Variants in EEF1AKMT2 observed in about 807,000 individuals in gnomAD.
EEF1AKMT2 encodes the protein eukaryotic translation elongation factor 1 alpha lysine methyltransferase 2.
Under a neutral mutation model 35.8 loss-of-function variants are expected in EEF1AKMT2, and 32 were observed. The observed-to-expected ratio is 0.89, with a 90% CI of 0.67 to 1.20. The LOEUF (loss-of-function observed/expected upper bound fraction) is 1.20. Among genes scored for constraint, EEF1AKMT2 ranks in the 50% most tolerant of loss-of-function variants. EEF1AKMT2 has a pLI of 0.00. For synonymous variants in EEF1AKMT2, 121 were observed against 133.7 expected (o/e 0.91, Z 0.65); for missense variants, 330 against 347.5 (o/e 0.95, Z 0.40).
chr10:124,770,548 G>A (rs1950422955), intron 4 of EEF1AKMT2, among the ~76,000 whole-genome samples: 1 of 152,180 alleles, frequency 6.6e-6, no homozygotes, highest in Admixed American at 6.5e-5. Context: ...CAAGGTATTG[G>A]TTGCTGAAGG....
chr10:124,789,613 G>C (rs1950616910), intron 2 of EEF1AKMT2, among the ~76,000 whole-genome samples: 1 of 151,754 alleles, frequency 6.6e-6, no homozygotes, highest in Admixed American at 6.6e-5. Context: ...AAATTTGCTG[G>C]GCATGATGGC....
Position 124,791,791 on chromosome 10 carries a change from C to T in EEF1AKMT2, c.43G>A (p.Ala15Thr). The T allele has an allele frequency of 6.3e-7, 1 of 1,591,974 alleles. No homozygotes were observed. The change falls in exon 1 of 7, where the codon GCG (alanine) becomes ACG (threonine). Residue 15 changes from alanine to threonine, a missense_variant. By Grantham distance (58) the Ala-to-Thr change is moderately conservative. Transcript: ENST00000368836. ...ADGGGGAAVA[A>T]RSDKGSPGED... Reference sequence around the variant, plus strand: ...CCGGGACTGCCCTTGTCCGACCGCGCCGCCACCGCAGCGCCACCGCCGCCG... The same window carrying T: ...CCGGGACTGCCCTTGTCCGACCGCGTCGCCACCGCAGCGCCACCGCCGCCG...
chr10:124,783,783 C>G (rs1200527839), intron 3 of EEF1AKMT2, among the ~76,000 whole-genome samples: 1 of 151,918 alleles, frequency 6.6e-6, no homozygotes, highest in African/African-American at 2.4e-5. Context: ...GTAGCTGGGA[C>G]TACAGGTGCA....
intron 4 of EEF1AKMT2, among the ~76,000 whole-genome samples, chr10:124,768,307 A>AT (rs1950397843): frequency 6.6e-6 from 1 of 152,182 alleles, no homozygotes; most frequent in South Asian, 2.1e-4. Flanking sequence ...ATGAACAGAC[A>AT]TTTTTAAAAA....
intron 3 of EEF1AKMT2, among the ~76,000 whole-genome samples, chr10:124,785,246 CAAAAAAAA>C (rs35915292): frequency 1.6e-5 from 1 of 61,398 alleles, no homozygotes; most frequent in African/African-American, 7.3e-5. Flanking sequence ...GACTCCGTCT[CAAAAAAAA>C]AAAAAAAAAA....
At chr10:124,760,554 C>T (rs371765367) in intron 6 of EEF1AKMT2, 51 bp from the exon 7 acceptor site, 72 of 1,446,226 alleles carry the variant, frequency 5.0e-5, no homozygotes, top group Non-Finnish European at 6.8e-5. Context: ...CTCATACTTA[C>T]ATGTATTTAT....
intron 3 of EEF1AKMT2, among the ~76,000 whole-genome samples, chr10:124,783,194 G>A (rs1419178482): frequency 7.3e-6 from 1 of 137,162 alleles, no homozygotes; most frequent in Non-Finnish European, 1.5e-5. Flanking sequence ...AGGCTGGAGT[G>A]CAGTGGGGCC....
Position 124,791,826 on chromosome 10 carries a change from G to A in EEF1AKMT2, c.8C>T (p.Ser3Leu). Residue 3 changes from serine (S) to leucine (L), a missense_variant, in exon 1 of 7, where the codon TCG (serine) becomes TTG (leucine). Physicochemically the swap from Ser to Leu is moderately radical, Grantham distance 145. Transcript: ENST00000368836. ...AGCGCCACCGCCGCCGTCAGCGCCCGAGCTCATTTCGCTCCACGTCCTGGA... is the reference window on the plus strand; with the variant it reads ...AGCGCCACCGCCGCCGTCAGCGCCCAAGCTCATTTCGCTCCACGTCCTGGA... MS[S>L]GADGGGGAAV... The A allele has an allele frequency of 1.9e-6, 3 of 1,579,282 alleles. No individual in the cohort carries two copies. The highest frequency in any genetic ancestry group is 1.3e-5 in the African/African-American group (1 of 74,326).
rs41314424 is a variant in EEF1AKMT2 at position 124,759,088 on chromosome 10, G to A, written c.*1415C>T. The A allele has an allele frequency of 8.5e-5, 13 of 152,198 alleles. No homozygotes were observed. Among genetic ancestry groups the A allele is most frequent in the Non-Finnish European group, 7.4e-5 (5 of 67,982 alleles). The allele number at this position is 152,198 out of a possible 1,614,324, so 9.4% of individuals were successfully genotyped here. ...ATTTGCCAAACAAAAAGTCACTTAT[G>A]TAACCCAATAGGCCCACAAAGCTGA... On this transcript the variant is annotated 3_prime_UTR_variant, in exon 7 of 7. Coordinates refer to ENST00000368836, the MANE Select transcript of EEF1AKMT2 (RefSeq NM_212554.4).
chr10:124,788,581 A>G (rs1950606925), intron 3 of EEF1AKMT2, among the ~76,000 whole-genome samples: 1 of 151,812 alleles, frequency 6.6e-6, no homozygotes, highest in South Asian at 2.1e-4. Context: ...GGCATACAAC[A>G]GTGATGGTTT....
At chr10:124,781,781 T>C (rs1589790728) in intron 3 of EEF1AKMT2, among the ~76,000 whole-genome samples, 1 of 150,944 alleles carries the variant, frequency 6.6e-6, no homozygotes, top group Non-Finnish European at 1.5e-5. Flanking sequence ...AGATCCAGAA[T>C]ACAAAGGTGA....
At chr10:124,766,987 C>T (rs944983545) in intron 4 of EEF1AKMT2, among the ~76,000 whole-genome samples, 1 of 150,010 alleles carries the variant, frequency 6.7e-6, no homozygotes, top group African/African-American at 2.5e-5. Flanking sequence ...CGGTGAAATC[C>T]TGTCTCTACT....
At chr10:124,786,679 G>GT (rs1483732802) in intron 3 of EEF1AKMT2, among the ~76,000 whole-genome samples, 40 of 151,514 alleles carry the variant, frequency 2.6e-4, no homozygotes, top group African/African-American at 9.0e-4. Context: ...CAGGCATGGT[G>GT]TACGCCTGTA....
At chr10:124,762,268 T>TA (rs1564899317) in intron 6 of EEF1AKMT2, 32 bp downstream of exon 6, 6 of 1,062,762 alleles carry the variant, frequency 5.6e-6, no homozygotes, top group Admixed American at 4.5e-5. Context: ...ATTTTGCTTT[T>TA]AAAAAATAAA....
At chr10:124,774,915 A>G in intron 3 of EEF1AKMT2, 133 bp from the exon 4 acceptor site, 1 of 369,518 alleles carries the variant, frequency 2.7e-6, no homozygotes, top group East Asian at 4.8e-5. Flanking sequence ...CCAATTCATA[A>G]TGCTTAAATT....
chr10:124,774,400 A>G (rs1268469782), intron 4 of EEF1AKMT2, among the ~76,000 whole-genome samples: 1 of 148,092 alleles, frequency 6.8e-6, no homozygotes, highest in Non-Finnish European at 1.5e-5. Context: ...AAAAAAAAAA[A>G]AAAAAAAAAA....
intron 4 of EEF1AKMT2, among the ~76,000 whole-genome samples, chr10:124,771,799 G>T (rs1197760723): frequency 6.6e-6 from 1 of 152,120 alleles, no homozygotes. Context: ...AACCTGGGAG[G>T]CAGAGCTTGC....
At chr10:124,788,188 C>G (rs12414578) in intron 3 of EEF1AKMT2, among the ~76,000 whole-genome samples, 1 of 152,100 alleles carries the variant, frequency 6.6e-6, no homozygotes, top group Admixed American at 6.6e-5. Flanking sequence ...AATCTTCTCC[C>G]TCTTTACACG....
chr10:124,758,515 A>G lies in EEF1AKMT2; in HGVS notation c.*1988T>C, dbSNP rs1831497975. The G allele has an allele frequency of 6.6e-6, 1 of 151,970 alleles. No individual in the cohort carries two copies. The highest frequency in any genetic ancestry group is 1.5e-5 in the Non-Finnish European group (1 of 67,986). 9.4% of individuals were successfully genotyped at this position (151,970 alleles called of 1,614,324 possible). A position where few individuals can be genotyped will look rare whatever the true frequency, so the allele number is the denominator to read the frequency against. ...AAAAGCTCTATGGTTAAAAAAAAAA[A>G]AAAAAAGAAAACCTTCACCTTTGCA... On this transcript the variant is annotated 3_prime_UTR_variant, in exon 7 of 7. Coordinates refer to ENST00000368836, the MANE Select transcript of EEF1AKMT2 (RefSeq NM_212554.4).
Sources: allele counts gnomAD v4.1 joint callset (sites outside exome capture counted in the v4.1 genomes callset), GRCh38; gene constraint gnomAD v4.1.1; transcripts MANE v1.5; gene names NCBI Gene and HGNC (gene_info 2026-07-23, HGNC 2026-07-21).